The following DNAH10 variants were observed in gnomAD, a reference collection of about 807,000 sequenced individuals.
The protein encoded by DNAH10 is axonemal beta dynein heavy chain 10.
Under a neutral mutation model 506.6 loss-of-function variants are expected in DNAH10, and 348 were observed. That is an observed-to-expected ratio of 0.69 (90% CI 0.63 to 0.75). DNAH10 has a LOEUF of 0.75. DNAH10 is among the 30% of genes least tolerant of loss of function. DNAH10 has a pLI of 0.00. For missense variants in DNAH10, 5,179 were observed against 5,787.1 expected (o/e 0.89, Z 3.41); for synonymous variants, 2,059 against 2,198.6 (o/e 0.94, Z 1.78).
In DNAH10 at chr12:123,893,222, T is replaced by A; in HGVS notation, c.8996-11T>A. The A allele has an allele frequency of 6.2e-7, 1 of 1,613,536 alleles. No homozygotes were observed. The highest frequency in any genetic ancestry group is 8.5e-7 in the Non-Finnish European group (1 of 1,179,590). On this transcript the variant is annotated splice_polypyrimidine_tract_variant and intron_variant, in intron 52 of 78. Transcript: ENST00000673944. ...ACTCAGAGAGATCACCAGCATGTCT[T>A]CCTTTTCCAGGAATTGTACCTGCGC...
At position 123,866,229 on chromosome 12, in the gene DNAH10, C is replaced by CTTTTTTTTTTT. The variant is rs71088963; in HGVS notation, c.7167+177_7167+187dup. On this transcript the variant is annotated intron_variant, in intron 41 of 78. Transcript: ENST00000673944. ...AATAAGTGAAAACATGGCAGACACA[C>CTTTTTTTTTTT]TTTTTTTTTTTTTTTTTTTTTTTTT... Among the ~76,000 whole-genome samples the CTTTTTTTTTTT allele has an allele frequency of 1.0e-3, 58 of 58,206 alleles. 15 individuals are homozygous for CTTTTTTTTTTT. The highest frequency in any genetic ancestry group is 1.5e-3 in the Admixed American group (7 of 4,548). 38.2% of individuals were successfully genotyped at this position (58,206 alleles called of 152,430 possible). A position where few individuals can be genotyped will look rare whatever the true frequency, so the allele number is the denominator to read the frequency against.
chr12:123,878,886 G>A (rs1416325861), intron 48 of DNAH10, among the ~76,000 whole-genome samples: 3 of 152,084 alleles, frequency 2.0e-5, no homozygotes, highest in Non-Finnish European at 4.4e-5. Flanking sequence ...AACAAAGCGA[G>A]ACCCCACCTC....
At chr12:123,930,684 C>G in intron 73 of DNAH10, 111 bp downstream of exon 73, 10 of 1,188,462 alleles carry the variant, frequency 8.4e-6, no homozygotes, top group Non-Finnish European at 1.1e-5. Flanking sequence ...CAGGTGTGGT[C>G]TGTTAAGCCT....
chr12:123,899,271 C>T (rs1953405155), intron 56 of DNAH10, among the ~76,000 whole-genome samples: 1 of 152,182 alleles, frequency 6.6e-6, no homozygotes, highest in Non-Finnish European at 1.5e-5. Flanking sequence ...CACTGTCCTG[C>T]TCTTGACGAC....
In DNAH10 at chr12:123,928,384, C is replaced by T; in HGVS notation, c.12106-3C>T. 1 of 1,589,752 alleles carries T rather than the reference C, an allele frequency of 6.3e-7. No homozygotes were observed. Among genetic ancestry groups the T allele is most frequent in the Non-Finnish European group, 8.6e-7 (1 of 1,168,602 alleles). ...CTCTCCTCTTCCCTCTCCCCCGGCG[C>T]AGGTGGCCCTGCAGCTGCTGGAGAC... On this transcript the variant is annotated splice_polypyrimidine_tract_variant and splice_region_variant and intron_variant, in intron 69 of 78. Coordinates refer to ENST00000673944, the MANE Select transcript of DNAH10 (RefSeq NM_001372106.1). This position sits in a 1 kb window ranked among gnomAD's most constrained non-coding sequence, Gnocchi z 4.9.
chr12:123,880,252 A>T (rs1291175061), intron 50 of DNAH10, among the ~76,000 whole-genome samples: 1 of 152,236 alleles, frequency 6.6e-6, no homozygotes, highest in South Asian at 2.1e-4. Flanking sequence ...ATAGATGTTC[A>T]GAAAAATCTC....
intron 5 of DNAH10, among the ~76,000 whole-genome samples, chr12:123,778,660 C>T (rs1304230441): frequency 4.6e-5 from 7 of 150,622 alleles, no homozygotes; most frequent in Non-Finnish European, 7.4e-5. Context: ...CATGTCACTG[C>T]ACTCCAGCCT....
intron 18 of DNAH10, among the ~76,000 whole-genome samples, chr12:123,807,299 C>T (rs1023623186): frequency 1.3e-5 from 2 of 152,140 alleles, no homozygotes; most frequent in African/African-American, 4.8e-5. Context: ...AGACAAGGCC[C>T]CTGTATCCTT....
At chr12:123,837,807 TCTGGTCTCAAACTC>T (rs1410085272) in intron 28 of DNAH10, among the ~76,000 whole-genome samples, 1 of 150,960 alleles carries the variant, frequency 6.6e-6, no homozygotes, top group Admixed American at 6.6e-5. Flanking sequence ...TGTTGCCCAG[TCTGGTCTCAAACTC>T]CTGGTCTCAA....
rs776203745 is a variant in DNAH10, at chr12:123,931,893, C to G, written c.13128+46C>G. 3.3e-5 allele frequency: 53 copies of G among 1,612,524 alleles called. No homozygotes were observed. In the South Asian group the frequency reaches 5.6e-4, roughly 17 times the overall value. ...CAGATTACTGCCTAGATACGTGGCA[C>G]CTGGGGTTCTGATAGAGTCCTGCCC... is the stretch of plus-strand genomic sequence containing the variant. On this transcript the variant is annotated intron_variant, in intron 75 of 78. Coordinates refer to ENST00000673944, the MANE Select transcript of DNAH10 (RefSeq NM_001372106.1).
In DNAH10 at chr12:123,935,517, GC is replaced by G. The variant is rs780366025; in HGVS notation, c.*38del. On this transcript the variant is annotated 3_prime_UTR_variant, in exon 79 of 79. Coordinates refer to ENST00000673944, the MANE Select transcript of DNAH10 (RefSeq NM_001372106.1). ...AAGAAAACTGCTTAATGAATTCGGA[GC>G]CTGGGGTTGTCAGAGTGATCGGGTC... 3.3e-6 allele frequency: 5 copies of G among 1,538,174 alleles called. No homozygotes were observed. Among genetic ancestry groups the G allele is most frequent in the Non-Finnish European group, 4.4e-6 (5 of 1,132,272 alleles).
In DNAH10 at chr12:123,926,845, G is replaced by A; in HGVS notation, c.12105+25G>A. On this transcript the variant is annotated intron_variant, in intron 69 of 78. Coordinates refer to ENST00000673944, the MANE Select transcript of DNAH10 (RefSeq NM_001372106.1). The surrounding 1 kb of genome is among the most constrained non-coding windows in gnomAD (Gnocchi z 4.1). ...GGTAATTTGTGGCTGAAAGGAACAA[G>A]CTCTACGTTTAGGGGAGGTCCCTGG... 6.2e-7 allele frequency: 1 copy of A among 1,611,710 alleles called. No individual in the cohort carries two copies. Among genetic ancestry groups the A allele is most frequent in the Non-Finnish European group, 8.5e-7 (1 of 1,179,406 alleles).
chr12:123,925,100 T>A lies in DNAH10; in HGVS notation c.11817T>A (p.Asp3939Glu). ...AGTTTCCCGTCCCCTTGGGTTACGA[T>A]AACAACATCACCCCTTTCCAGAAGT... ...LEQFPVPLGY[D>E]NNITPFQKLL... The change falls in exon 68 of 79, where the codon GAT (aspartate) becomes GAA (glutamate). Residue 3939 changes from aspartate (D) to glutamate (E), a missense_variant. By Grantham distance (45) the Asp-to-Glu change is conservative. Around this residue, in one of 3 missense-constraint regions of DNAH10, gnomAD observed 4,844 missense variants for 5,430.5 expected, o/e 0.89. Transcript: ENST00000673944. This position sits in a 1 kb window ranked among gnomAD's most constrained non-coding sequence, Gnocchi z 4.0. 2 of 1,614,048 alleles carry A rather than the reference T, an allele frequency of 1.2e-6. No homozygotes were observed. Among genetic ancestry groups the A allele is most frequent in the East Asian group, 2.2e-5 (1 of 44,892 alleles).
intron 65 of DNAH10, among the ~76,000 whole-genome samples, chr12:123,922,148 G>C (rs1229449880): frequency 6.6e-6 from 1 of 152,052 alleles, no homozygotes; most frequent in African/African-American, 2.4e-5. Context: ...GCCAGGGCGG[G>C]CGGATCATGA....
At chr12:123,862,304 T>C (rs1432407846) in intron 39 of DNAH10, among the ~76,000 whole-genome samples, 1 of 152,200 alleles carries the variant, frequency 6.6e-6, no homozygotes, top group African/African-American at 2.4e-5. Context: ...CATCTGTTGA[T>C]GGTTACTTGA....
In DNAH10 at chr12:123,808,848, C is replaced by A; in HGVS notation, c.3039C>A (p.His1013Gln). The A allele has an allele frequency of 6.2e-7, 1 of 1,614,176 alleles. No homozygotes were observed. The highest frequency in any genetic ancestry group is 8.5e-7 in the Non-Finnish European group (1 of 1,180,014). Residue 1013 changes from histidine (H) to glutamine (Q), a missense_variant, in exon 19 of 79, where the codon CAC (histidine) becomes CAA (glutamine). Transcript: ENST00000673944. ...SLILGNVPLFHTETILTAPEI... is the reference protein window; with the variant it reads ...SLILGNVPLFQTETILTAPEI... ...TCCTTGGAAATGTCCCTCTGTTCCA[C>A]ACTGAAACCATTCTGACGGCACCTG...
chr12:123,934,153 G>C, intron 77 of DNAH10: 1 of 681,350 alleles, frequency 1.5e-6, no homozygotes, highest in Non-Finnish European at 2.7e-6. Flanking sequence ...ACAGGAGTGT[G>C]TTCCTCTCTT....
Position 123,902,871 on chromosome 12 carries a change from C to CAG in DNAH10, c.9641-65_9641-64dup, listed in dbSNP as rs1214749298. On this transcript the variant is annotated intron_variant, in intron 56 of 78. Coordinates refer to ENST00000673944, the MANE Select transcript of DNAH10 (RefSeq NM_001372106.1). The surrounding 1 kb of genome is among the most constrained non-coding windows in gnomAD (Gnocchi z 4.5). ...CAACCTTTGAGGACTGCACTCTGCT[C>CAG]AGAGCCGGGGCCGCGAGTGCATCTC... 2 of 1,502,074 alleles carry CAG rather than the reference C, an allele frequency of 1.3e-6. No individual in the cohort carries two copies. Among genetic ancestry groups the CAG allele is most frequent in the Non-Finnish European group, 1.8e-6 (2 of 1,121,098 alleles). 93.0% of individuals were successfully genotyped at this position (1,502,074 alleles called of 1,614,324 possible).
At chr12:123,819,700 GTTTT>G (rs768231077) in intron 23 of DNAH10, among the ~76,000 whole-genome samples, 3 of 101,840 alleles carry the variant, frequency 2.9e-5, no homozygotes, top group African/African-American at 4.0e-5. Flanking sequence ...CTAAAATTCT[GTTTT>G]TTTTTTTTTT....
Sources: gnomAD v4.1 joint callset for allele counts (sites outside exome capture counted in the v4.1 genomes callset) on GRCh38, gnomAD v4.1.1 for gene constraint, gnomAD v4.1.1 regional missense constraint, Gnocchi (gnomAD v3.1) non-coding constraint, MANE v1.5 for transcripts, NCBI Gene and HGNC (gene_info 2026-07-23, HGNC 2026-07-21) for gene names.